Variants in STPG2 observed in about 807,000 individuals in gnomAD.
STPG2 encodes sperm tail PG-rich repeat containing 2.
In STPG2, 56 loss-of-function variants were observed where a neutral mutation model predicts 54.2. That is an observed-to-expected ratio of 1.03 (90% confidence interval 0.83 to 1.29). The LOEUF (loss-of-function observed/expected upper bound fraction) is 1.29, where lower values mean the gene tolerates loss of function less well. Ranked by LOEUF, STPG2 falls within the 50% of genes most tolerant of loss-of-function variation. The pLI is 0.00. For synonymous variants in STPG2, 200 were observed against 181.8 expected (o/e 1.10, Z -0.81); for missense variants, 596 against 544.9 (o/e 1.09, Z -0.93).
intron 9 of STPG2, among the ~76,000 whole-genome samples, chr4:97,823,951 T>G (rs1728172514): frequency 6.6e-6 from 1 of 152,154 alleles, no homozygotes; most frequent in African/African-American, 2.4e-5. Flanking sequence ...ATTTAGGGGA[T>G]GAGAGGCCCC....
chr4:97,954,525 C>CA (rs928463746), intron 7 of STPG2, among the ~76,000 whole-genome samples: 1 of 151,940 alleles, frequency 6.6e-6, no homozygotes, highest in African/African-American at 2.4e-5. Context: ...AAATCTAAGC[C>CA]AAAAAACTGA....
At chr4:97,548,401 TAG>T (rs1731892558) in intron 4 of STPG2, among the ~76,000 whole-genome samples, 1 of 152,120 alleles carries the variant, frequency 6.6e-6, no homozygotes, top group Non-Finnish European at 1.5e-5. Context: ...TTGCCAATTA[TAG>T]AGTCAGGTAG....
intron 6 of STPG2, among the ~76,000 whole-genome samples, chr4:97,973,396 G>C (rs1734399719): frequency 6.6e-6 from 1 of 152,160 alleles, no homozygotes; most frequent in Non-Finnish European, 1.5e-5. Context: ...TGTGACTTGG[G>C]TGCTGTTAAA....
intron 4 of STPG2, among the ~76,000 whole-genome samples, chr4:97,499,569 A>G (rs898991092): frequency 6.6e-6 from 1 of 152,032 alleles, no homozygotes; most frequent in Non-Finnish European, 1.5e-5. Flanking sequence ...TTTATATTCA[A>G]TATTCTTATA....
intron 4 of STPG2, among the ~76,000 whole-genome samples, chr4:97,530,276 T>G (rs1350596059): frequency 6.6e-6 from 1 of 152,200 alleles, no homozygotes; most frequent in African/African-American, 2.4e-5. Flanking sequence ...TAAGTGATTA[T>G]TTTGTGACAT....
chr4:97,888,752 G>A (rs1730668880), intron 8 of STPG2, among the ~76,000 whole-genome samples: 1 of 152,148 alleles, frequency 6.6e-6, no homozygotes, highest in Admixed American at 6.6e-5. Context: ...GGAGGGGACA[G>A]AGGTGGAATA....
intron 9 of STPG2, among the ~76,000 whole-genome samples, chr4:97,797,804 A>G (rs1727249847): frequency 6.6e-6 from 1 of 152,182 alleles, no homozygotes; most frequent in African/African-American, 2.4e-5. Flanking sequence ...TCGGCTGCGA[A>G]TCCGTCTGGT....
At chr4:97,781,944 G>C (rs1443636264) in intron 9 of STPG2, among the ~76,000 whole-genome samples, 1 of 152,120 alleles carries the variant, frequency 6.6e-6, no homozygotes, top group East Asian at 1.9e-4. Flanking sequence ...AAAATAATAA[G>C]AGCTATTTAT....
chr4:98,059,704 G>C (rs1343214468), intron 5 of STPG2, among the ~76,000 whole-genome samples: 2 of 150,732 alleles, frequency 1.3e-5, no homozygotes, highest in African/African-American at 4.9e-5. Flanking sequence ...ACATCAAAGG[G>C]CTAATCTACC....
chr4:97,488,606 G>A (rs961026581), intron 4 of STPG2, among the ~76,000 whole-genome samples: 2 of 151,742 alleles, frequency 1.3e-5, no homozygotes, highest in African/African-American at 4.8e-5. Flanking sequence ...GAGTGGGTAA[G>A]TAGGCAGTCT....
At chr4:97,828,937 A>G (rs1728350018) in intron 9 of STPG2, among the ~76,000 whole-genome samples, 1 of 152,096 alleles carries the variant, frequency 6.6e-6, no homozygotes, top group African/African-American at 2.4e-5. Flanking sequence ...AGGGGTGGCT[A>G]TGGGCACAGC....
chr4:97,726,474 T>TA (rs1724628662), intron 9 of STPG2, among the ~76,000 whole-genome samples: 1 of 151,888 alleles, frequency 6.6e-6, no homozygotes. Context: ...TTTAAAAAGA[T>TA]AAAATTCCAG....
intron 9 of STPG2, among the ~76,000 whole-genome samples, chr4:97,744,633 AT>A: frequency 6.6e-6 from 1 of 151,406 alleles, no homozygotes; most frequent in Admixed American, 6.6e-5. Flanking sequence ...ACATACCATG[AT>A]TTTTCCTATA....
At chr4:97,483,776 G>A (rs769294317) in intron 4 of STPG2, among the ~76,000 whole-genome samples, 13 of 151,586 alleles carry the variant, frequency 8.6e-5, no homozygotes, top group Non-Finnish European at 1.8e-4. Flanking sequence ...ATACACATTT[G>A]TATTCAAGAG....
chr4:97,911,880 C>A (rs569710337), intron 8 of STPG2, among the ~76,000 whole-genome samples: 1 of 152,166 alleles, frequency 6.6e-6, no homozygotes, highest in South Asian at 2.1e-4. Flanking sequence ...CCGTTCTTCC[C>A]GACTGGGTGA....
chr4:97,740,362 A>G lies in STPG2; in HGVS notation c.1205-27548T>C, dbSNP rs560528972. On this transcript the variant is annotated intron_variant, in intron 9 of 10. Transcript: ENST00000295268. ...CAACATAGTGTTGGAAGTTCTGGCC[A>G]GGGAATTAGGCAGGAGAAGAAATAA... Among the ~76,000 whole-genome samples, 32 of 152,284 alleles carry G rather than the reference A, an allele frequency of 2.1e-4. 2 individuals are homozygous for G. Among genetic ancestry groups the G allele is most frequent in the Middle Eastern group, 3.4e-3 (1 of 294 alleles).
chr4:97,830,639 G>A (rs1288907722), intron 9 of STPG2, among the ~76,000 whole-genome samples: 1 of 152,084 alleles, frequency 6.6e-6, no homozygotes, highest in African/African-American at 2.4e-5. Context: ...CATCTCACGT[G>A]CAAAGACACA....
At chr4:97,900,965 A>G (rs1037862125) in intron 8 of STPG2, among the ~76,000 whole-genome samples, 1 of 151,772 alleles carries the variant, frequency 6.6e-6, no homozygotes, top group African/African-American at 2.4e-5. Flanking sequence ...AATAACCTTT[A>G]AACTTTCTTA....
chr4:97,559,163 A>G (rs1335948436), intron 10 of STPG2, 46 bp from the exon 11 acceptor site: 1 of 1,236,330 alleles, frequency 8.1e-7, no homozygotes, highest in Non-Finnish European at 1.2e-6. Context: ...ATCTACTTAC[A>G]AAAAGAAAAA....
Sources: allele counts gnomAD v4.1 joint callset (sites outside exome capture counted in the v4.1 genomes callset), GRCh38; gene constraint gnomAD v4.1.1; transcripts MANE v1.5; gene names NCBI Gene and HGNC (gene_info 2026-07-23, HGNC 2026-07-21).